Variants in DLEC1 observed in about 807,000 individuals in gnomAD.
DLEC1 encodes DLEC1 cilia and flagella associated protein, also known as deleted in lung and esophageal cancer protein 1.
In DLEC1, 146 loss-of-function variants were observed where a neutral mutation model predicts 198.1. That is an observed-to-expected ratio of 0.74 (90% CI 0.64 to 0.85). The LOEUF (loss-of-function observed/expected upper bound fraction) is 0.85. Ranked by LOEUF, DLEC1 falls within the 40% of genes least tolerant of loss-of-function variation. The pLI, the probability that DLEC1 is intolerant of heterozygous loss-of-function variation, is 0.00. For missense variants in DLEC1, 2,233 were observed against 2,220.0 expected, an observed-to-expected ratio of 1.01 and a Z score of -0.12; for synonymous variants, 897 against 866.8, an observed-to-expected ratio of 1.03 and a Z score of -0.61.
intron 6 of DLEC1, among the ~76,000 whole-genome samples, chr3:38,080,619 T>C (rs1423036116): frequency 6.6e-6 from 1 of 152,046 alleles, no homozygotes; most frequent in Non-Finnish European, 1.5e-5. Flanking sequence ...CCAAGCGGTG[T>C]TGCAGAAGAA....
At chr3:38,073,362 G>A (rs577081172) in intron 6 of DLEC1, among the ~76,000 whole-genome samples, 5 of 152,200 alleles carry the variant, frequency 3.3e-5, no homozygotes, top group South Asian at 2.1e-4. Flanking sequence ...TGTAGCAGGC[G>A]AGTGATAACA....
intron 36 of DLEC1, 27 bp downstream of exon 36, chr3:38,122,221 A>C (rs1334087847): frequency 6.2e-7 from 1 of 1,610,440 alleles, no homozygotes; most frequent in Admixed American, 1.7e-5. Flanking sequence ...CCTTCCCCAA[A>C]CTGCCCACAG....
At chr3:38,095,101 CAT>C in intron 13 of DLEC1, 30 bp downstream of exon 13, 2 of 1,611,450 alleles carry the variant, frequency 1.2e-6, no homozygotes, top group Non-Finnish European at 1.7e-6. Context: ...AGTAGCCACA[CAT>C]GGTTGGATCA....
rs371576079 is a variant in DLEC1, at chr3:38,085,412, C to G, written c.1400C>G (p.Pro467Arg). Reference protein sequence around the residue: ...ETQSAHTLLIPLQARRPPPVL... With the variant: ...ETQSAHTLLIRLQARRPPPVL... ...CAGTCAGCCCACACACTTCTGATCCCCCTGCAGGCCCGGAGGCCGCCCCCC... is the reference window on the plus strand; with the variant it reads ...CAGTCAGCCCACACACTTCTGATCCGCCTGCAGGCCCGGAGGCCGCCCCCC... The change falls in exon 8 of 37, where the codon CCC (proline) becomes CGC (arginine). Residue 467 changes from proline to arginine, a missense_variant. Physicochemically the swap from Pro to Arg is moderately radical, Grantham distance 103. Transcript: ENST00000308059. 27 of 1,613,918 alleles carry G rather than the reference C, an allele frequency of 1.7e-5. No individual in the cohort carries two copies. The African/African-American group carries it at 3.2e-4, about 19-fold the overall frequency.
At chr3:38,045,097 G>A (rs1700822644) in intron 1 of DLEC1, among the ~76,000 whole-genome samples, 1 of 152,226 alleles carries the variant, frequency 6.6e-6, no homozygotes, top group Admixed American at 6.5e-5. Context: ...CTCAGTCACA[G>A]GATGTGGGTG....
rs1457018443 is a variant in DLEC1, at chr3:38,116,456, TC to T, written c.3862del (p.Arg1288AlafsTer143). The T allele has an allele frequency of 4.3e-6, 7 of 1,613,842 alleles. No homozygotes were observed. The East Asian group carries it at 1.6e-4, about 36-fold the overall frequency. Reference sequence around the variant, plus strand: ...CTGCTCCACACATCTGCCCCAGACATCCGCCTGGATTGGGAGACCTATGTTC... The same window carrying T: ...CTGCTCCACACATCTGCCCCAGACATCGCCTGGATTGGGAGACCTATGTTC... ...LRLNNSSPCD[I>X]RLDWETYVPE... On this transcript the variant is annotated frameshift_variant, in exon 28 of 37. Coordinates refer to ENST00000308059, the MANE Select transcript of DLEC1 (RefSeq NM_007335.4). LOFTEE classifies it high-confidence loss of function.
chr3:38,117,165 A>C (rs540255932), intron 30 of DLEC1, 43 bp from the exon 31 acceptor site: 1 of 1,614,026 alleles, frequency 6.2e-7, no homozygotes, highest in South Asian at 1.1e-5. Context: ...CATGCTGCCT[A>C]CTCAGCCCAG....
At chr3:38,100,559 T>G in intron 19 of DLEC1, 134 bp downstream of exon 19, 1 of 1,277,392 alleles carries the variant, frequency 7.8e-7, no homozygotes, top group Non-Finnish European at 1.0e-6. Flanking sequence ...TCTATAAAAT[T>G]TGTAAATTAC....
chr3:38,100,266 C>G lies in DLEC1; in HGVS notation c.2725-20C>G. ...CCAAGTGTCCTCAGTGCTCATCCTC[C>G]TGAGTGTTCTCCGGGGCAGGTGTCT... On this transcript the variant is annotated intron_variant, in intron 18 of 36. Coordinates refer to ENST00000308059, the MANE Select transcript of DLEC1 (RefSeq NM_007335.4). 2 of 1,599,124 alleles carry G rather than the reference C, an allele frequency of 1.3e-6. No homozygotes were observed. The highest frequency in any genetic ancestry group is 1.7e-6 in the Non-Finnish European group (2 of 1,173,638).
At position 38,116,665 on chromosome 3, in the gene DLEC1, A is replaced by T. The variant is rs753663459; in HGVS notation, c.4062+7A>T. On this transcript the variant is annotated splice_region_variant and intron_variant, in intron 28 of 36. Coordinates refer to ENST00000308059, the MANE Select transcript of DLEC1 (RefSeq NM_007335.4). The stretch of plus-strand genomic sequence containing the variant: ...CCATGAAACTGACTCATCAGTGAGC[A>T]GGGGTGGAGGGGCGGGGCAGGCTGG... 29 of 1,613,548 alleles carry T rather than the reference A, an allele frequency of 1.8e-5. No individual in the cohort carries two copies. The African/African-American group carries it at 3.5e-4, about 19-fold the overall frequency.
rs1699243372 is a variant in DLEC1 at position 38,100,375 on chromosome 3, C to T, written c.2814C>T (p.Cys938=). ...RVDITLEALH[C]QHLETVLELE... ...ACATCACCTTGGAGGCCCTGCACTGCCAGCATCTGGAGACCGTCCTGGAGC... is the reference window on the plus strand; with the variant it reads ...ACATCACCTTGGAGGCCCTGCACTGTCAGCATCTGGAGACCGTCCTGGAGC... Residue 938 remains cysteine, a synonymous_variant, in exon 19 of 37, where the codon TGC becomes TGT. Transcript: ENST00000308059. The T allele has an allele frequency of 1.9e-6, 3 of 1,613,826 alleles. No individual in the cohort carries two copies. Among genetic ancestry groups the T allele is most frequent in the Non-Finnish European group, 2.5e-6 (3 of 1,179,972 alleles).
intron 2 of DLEC1, among the ~76,000 whole-genome samples, chr3:38,050,123 C>A (rs867275735): frequency 1.3e-5 from 2 of 151,474 alleles, no homozygotes; most frequent in Non-Finnish European, 2.9e-5. Flanking sequence ...GGCTGGAGTG[C>A]AGTGGTGCAA....
At position 38,063,934 on chromosome 3, in the gene DLEC1, T is replaced by A; in HGVS notation, c.1173+15T>A. 1 of 1,568,762 alleles carries A rather than the reference T, an allele frequency of 6.4e-7. No homozygotes were observed. Among genetic ancestry groups the A allele is most frequent in the Non-Finnish European group, 8.8e-7 (1 of 1,140,834 alleles). On this transcript the variant is annotated intron_variant, in intron 6 of 36. Coordinates refer to ENST00000308059, the MANE Select transcript of DLEC1 (RefSeq NM_007335.4). ...CAGTTTATGAGGTAGACATCTTGTT[T>A]CTTTACAGCTCCCACCCCATCTGCT...
chr3:38,046,470 G>A (rs1039452125), intron 2 of DLEC1, among the ~76,000 whole-genome samples: 4 of 152,082 alleles, frequency 2.6e-5, no homozygotes, highest in East Asian at 1.9e-4. Flanking sequence ...TCTTGCCTTC[G>A]CTCATGTAAG....
chr3:38,121,836 A>C (rs1338967412), intron 35 of DLEC1, 55 bp downstream of exon 35: 2 of 1,588,546 alleles, frequency 1.3e-6, no homozygotes, highest in East Asian at 4.5e-5. Flanking sequence ...GTGCCAAGAG[A>C]AGACCCCCCA....
intron 2 of DLEC1, among the ~76,000 whole-genome samples, chr3:38,048,996 T>A (rs1054768740): frequency 6.6e-6 from 1 of 152,176 alleles, no homozygotes; most frequent in Non-Finnish European, 1.5e-5. Context: ...GTTCCCTGAA[T>A]CCTGGGAGTC....
At chr3:38,097,121 C>G in intron 15 of DLEC1, 61 bp from the exon 16 acceptor site, 2 of 1,407,010 alleles carry the variant, frequency 1.4e-6, no homozygotes, top group Non-Finnish European at 2.0e-6. Flanking sequence ...AGTCCTTCAG[C>G]AGGTACAGAA....
intron 2 of DLEC1, among the ~76,000 whole-genome samples, chr3:38,047,477 T>C (rs1223726530): frequency 6.6e-6 from 1 of 152,232 alleles, no homozygotes; most frequent in Non-Finnish European, 1.5e-5. Context: ...TGAAAATTTG[T>C]ATATCAGAAT....
In DLEC1 at chr3:38,108,440, A is replaced by G. The variant is rs769219299; in HGVS notation, c.3054A>G (p.Thr1018=). 3.7e-6 allele frequency: 6 copies of G among 1,614,066 alleles called. No individual in the cohort carries two copies. In the South Asian group the frequency reaches 6.6e-5, roughly 18 times the overall value. ...LGHQAEFCMV[T]VSPKHGLLGP... is the part of the protein sequence containing the mutation. ...ACCAAGCAGAATTCTGCATGGTGAC[A>G]GTCTCCCCCAAACATGGCCTGCTGG... The change falls in exon 21 of 37, where the codon ACA becomes ACG. Residue 1018 remains threonine, a synonymous_variant. Transcript: ENST00000308059.
Sources: allele counts gnomAD v4.1 joint callset (sites outside exome capture counted in the v4.1 genomes callset), GRCh38; gene constraint gnomAD v4.1.1; transcripts MANE v1.5; gene names NCBI Gene and HGNC (gene_info 2026-07-23, HGNC 2026-07-21).